ZMYM2: variants seen among roughly 807,000 people sequenced by gnomAD.
ZMYM2 encodes zinc finger MYM-type containing 2.
A neutral mutation model predicts 162.8 loss-of-function variants in ZMYM2; 56 were observed. That is an observed-to-expected ratio of 0.34 (90% confidence interval 0.28 to 0.43). The LOEUF (loss-of-function observed/expected upper bound fraction) is 0.43, where lower values mean the gene tolerates loss of function less well. Ranked by LOEUF, ZMYM2 falls within the 20% of genes least tolerant of loss-of-function variation. The pLI is 1.00. For synonymous variants in ZMYM2, 510 were observed against 541.6 expected (o/e 0.94, Z 0.81); for missense variants, 1,275 against 1,621.8 (o/e 0.79, Z 3.67).
At chr13:19,900,447 A>C in the ZMYM2 span, among the ~76,000 whole-genome samples, 2 of 152,314 alleles carry the variant, frequency 1.3e-5, no homozygotes, top group African/African-American at 4.8e-5. Flanking sequence ...TGAATCAGTA[A>C]TTTAAAACTT....
At chr13:20,003,733 C>A (rs1311349852) in intron 4 of ZMYM2, among the ~76,000 whole-genome samples, 1 of 151,766 alleles carries the variant, frequency 6.6e-6, no homozygotes, top group Non-Finnish European at 1.5e-5. Context: ...CCTGGGTCCT[C>A]CACCTCCTGG....
rs138722819 is a variant in ZMYM2 at position 20,023,731 on chromosome 13, A to G, written c.1585-2881A>G. ...CTAAATGTGTGTTTATAGGACGCATATAAATTTGTATGAAATTTAAATATG... is the reference window on the plus strand; with the variant it reads ...CTAAATGTGTGTTTATAGGACGCATGTAAATTTGTATGAAATTTAAATATG... On this transcript the variant is annotated intron_variant, in intron 7 of 24. Transcript: ENST00000610343. Among the ~76,000 whole-genome samples the G allele has an allele frequency of 3.0e-3, 460 of 152,346 alleles. 1 individual carries two copies. The highest frequency in any genetic ancestry group is 0.011 in the African/African-American group (438 of 41,584).
chr13:19,867,150 C>T, the ZMYM2 span, among the ~76,000 whole-genome samples: 1 of 151,724 alleles, frequency 6.6e-6, no homozygotes, highest in African/African-American at 2.4e-5. Flanking sequence ...GTCGGGAGTT[C>T]GAGACCAGCC....
the ZMYM2 span, among the ~76,000 whole-genome samples, chr13:19,867,680 C>T: frequency 1.3e-5 from 2 of 152,038 alleles, no homozygotes; most frequent in South Asian, 4.2e-4. Context: ...GGCTGGAGTG[C>T]AGTGGCGCAG....
intron 14 of ZMYM2, among the ~76,000 whole-genome samples, chr13:20,054,740 T>C (rs1484165617): frequency 6.6e-6 from 1 of 152,246 alleles, no homozygotes; most frequent in Non-Finnish European, 1.5e-5. Context: ...TGGCAAGAAG[T>C]GCAACATTGA....
intron 2 of ZMYM2, among the ~76,000 whole-genome samples, chr13:19,974,793 A>G (rs543082519): frequency 5.3e-5 from 8 of 152,242 alleles, no homozygotes; most frequent in East Asian, 3.9e-4. Flanking sequence ...ATGAGATAAT[A>G]TATCTGTTGG....
Position 20,083,682 on chromosome 13 carries a change from C to T in ZMYM2, c.3847C>T (p.His1283Tyr). 6.4e-7 allele frequency: 1 copy of T among 1,555,028 alleles called. No homozygotes were observed. The highest frequency in any genetic ancestry group is 8.8e-7 in the Non-Finnish European group (1 of 1,141,914). Residue 1283 changes from histidine (H) to tyrosine (Y), a missense_variant, in exon 24 of 25, where the codon CAT (histidine) becomes TAT (tyrosine). Coordinates refer to ENST00000610343, the MANE Select transcript of ZMYM2 (RefSeq NM_197968.4). ...EDKITTGKRK[H>Y]EDDEPVFEQI... is the part of the protein sequence containing the mutation. ...TAAAATTACTACTGGAAAAAGAAAA[C>T]ATGAAGATGATGAGCCAGTATTTGA...
At chr13:20,014,352 A>G (rs913468303) in intron 6 of ZMYM2, among the ~76,000 whole-genome samples, 1 of 152,164 alleles carries the variant, frequency 6.6e-6, no homozygotes, top group Non-Finnish European at 1.5e-5. Flanking sequence ...GATTATAGGC[A>G]TGATCCACTG....
intron 9 of ZMYM2, among the ~76,000 whole-genome samples, chr13:20,029,207 C>T (rs1257176259): frequency 6.6e-6 from 1 of 152,178 alleles, no homozygotes; most frequent in Non-Finnish European, 1.5e-5. Context: ...AGGTCTATTC[C>T]TCATAGATGG....
intron 7 of ZMYM2, chr13:20,025,646 T>A (rs894846715): frequency 7.5e-6 from 1 of 133,942 alleles, no homozygotes; most frequent in African/African-American, 3.0e-5. Flanking sequence ...TCTCCTTTTG[T>A]TGTTGTTGTT....
chr13:19,898,665 C>T, the ZMYM2 span, among the ~76,000 whole-genome samples: 6 of 152,066 alleles, frequency 3.9e-5, no homozygotes, highest in African/African-American at 1.2e-4. Flanking sequence ...GTGGTTCAAG[C>T]TTGTAATCCC....
chr13:19,982,474 G>C (rs1022596206), intron 2 of ZMYM2, among the ~76,000 whole-genome samples: 3 of 151,830 alleles, frequency 2.0e-5, no homozygotes, highest in Non-Finnish European at 2.9e-5. Context: ...TTTTAGTAGA[G>C]ATGGGGTTTC....
chr13:20,054,217 T>A (rs1238807728), intron 14 of ZMYM2, among the ~76,000 whole-genome samples: 1 of 152,248 alleles, frequency 6.6e-6, no homozygotes, highest in Admixed American at 6.5e-5. Context: ...ACTTCACTGT[T>A]CTTTTTGTGA....
At chr13:19,885,094 T>TC in the ZMYM2 span, among the ~76,000 whole-genome samples, 1 of 152,234 alleles carries the variant, frequency 6.6e-6, no homozygotes, top group South Asian at 2.1e-4. Context: ...GGAAAAGTTC[T>TC]CCAAGTCCCC....
chr13:20,022,385 C>T (rs1339339354), intron 7 of ZMYM2, among the ~76,000 whole-genome samples: 1 of 152,126 alleles, frequency 6.6e-6, no homozygotes, highest in Non-Finnish European at 1.5e-5. Context: ...TGTCCCTCTT[C>T]GTGCACATCA....
intron 2 of ZMYM2, among the ~76,000 whole-genome samples, chr13:19,979,970 TTCA>T (rs996743041): frequency 2.0e-5 from 3 of 152,226 alleles, no homozygotes; most frequent in African/African-American, 7.2e-5. Context: ...AGTCTCTGTC[TTCA>T]TCTGTATTTT....
At chr13:19,919,166 C>A in the ZMYM2 span, among the ~76,000 whole-genome samples, 1 of 150,310 alleles carries the variant, frequency 6.7e-6, no homozygotes, top group Non-Finnish European at 1.5e-5. Context: ...TATGCCTTTG[C>A]GATCCATCCA....
chr13:19,932,675 C>A, the ZMYM2 span, among the ~76,000 whole-genome samples: 1 of 151,902 alleles, frequency 6.6e-6, no homozygotes, highest in Non-Finnish European at 1.5e-5. Context: ...CACCAGAGAG[C>A]TTGCTCACTC....
chr13:20,072,513 C>T (rs1957162303), intron 21 of ZMYM2, among the ~76,000 whole-genome samples: 1 of 152,076 alleles, frequency 6.6e-6, no homozygotes, highest in Non-Finnish European at 1.5e-5. Flanking sequence ...AAGAGCAAAA[C>T]TCCATCTCAA....
Sources: gnomAD v4.1 joint callset for allele counts (sites outside exome capture counted in the v4.1 genomes callset) on GRCh38, gnomAD v4.1.1 for gene constraint, MANE v1.5 for transcripts, NCBI Gene and HGNC (gene_info 2026-07-23, HGNC 2026-07-21) for gene names.